MAP4K3: variants seen among roughly 807,000 people sequenced by gnomAD.
The protein encoded by MAP4K3 is MAPK/ERK kinase kinase kinase 3.
A neutral mutation model predicts 143.5 loss-of-function variants in MAP4K3; 94 were observed. The ratio of observed to expected loss-of-function variants is 0.65; its 90% CI spans 0.55 to 0.78. MAP4K3 has a LOEUF of 0.78. MAP4K3 is among the 30% of genes least tolerant of loss of function. The pLI is 0.00. For synonymous variants in MAP4K3, 416 were observed against 347.2 expected, an observed-to-expected ratio of 1.20 and a Z score of -2.20; for missense variants, 1,077 against 1,068.1, an observed-to-expected ratio of 1.01 and a Z score of -0.12.
Position 39,299,677 on chromosome 2 carries a change from A to G in MAP4K3, c.1178+66T>C, listed in dbSNP as rs192338405. The G allele has an allele frequency of 2.2e-5, 18 of 817,752 alleles. No homozygotes were observed. The African/African-American group carries it at 2.8e-4, about 13-fold the overall frequency. The allele number at this position is 817,752 out of a possible 1,614,324, so 50.7% of individuals were successfully genotyped here. Reference sequence around the variant, plus strand: ...ACAATTTTCTACCTTAAATATTAAAATATAATATTAAAGGCAACTTAATAA... The same window carrying G: ...ACAATTTTCTACCTTAAATATTAAAGTATAATATTAAAGGCAACTTAATAA... On this transcript the variant is annotated intron_variant, in intron 16 of 33. Coordinates refer to ENST00000263881, the MANE Select transcript of MAP4K3 (RefSeq NM_003618.4).
chr2:39,333,128 G>C (rs1306232967), intron 7 of MAP4K3, among the ~76,000 whole-genome samples: 1 of 152,076 alleles, frequency 6.6e-6, no homozygotes, highest in African/African-American at 2.4e-5. Flanking sequence ...ACATTCTTAA[G>C]TAAGTAATGC....
At chr2:39,401,128 A>T (rs915150875) in intron 1 of MAP4K3, among the ~76,000 whole-genome samples, 1 of 152,168 alleles carries the variant, frequency 6.6e-6, no homozygotes, top group Non-Finnish European at 1.5e-5. Flanking sequence ...CTAAGTTGAG[A>T]TGATGAAGCT....
chr2:39,295,100 T>A (rs554516306), intron 16 of MAP4K3, among the ~76,000 whole-genome samples: 1 of 151,378 alleles, frequency 6.6e-6, no homozygotes, highest in African/African-American at 2.4e-5. Context: ...TCATAAAAAA[T>A]AGCTATTTTT....
At chr2:39,366,022 T>C (rs1406978185) in intron 2 of MAP4K3, among the ~76,000 whole-genome samples, 2 of 152,180 alleles carry the variant, frequency 1.3e-5, no homozygotes, top group African/African-American at 2.4e-5. Flanking sequence ...ATAAATGAAA[T>C]TAACAGTACT....
chr2:39,344,175 T>G (rs946010457), intron 3 of MAP4K3, among the ~76,000 whole-genome samples: 2 of 152,178 alleles, frequency 1.3e-5, no homozygotes, highest in African/African-American at 4.8e-5. Flanking sequence ...GCCTTCTTAG[T>G]GTCTAGAAGA....
intron 2 of MAP4K3, among the ~76,000 whole-genome samples, chr2:39,373,220 A>C (rs1403996846): frequency 6.6e-6 from 1 of 152,204 alleles, no homozygotes; most frequent in Non-Finnish European, 1.5e-5. Context: ...AGAAATGCAA[A>C]TCAAAACTAT....
chr2:39,399,704 T>C (rs1666902932), intron 1 of MAP4K3, among the ~76,000 whole-genome samples: 1 of 152,164 alleles, frequency 6.6e-6, no homozygotes, highest in Non-Finnish European at 1.5e-5. Flanking sequence ...TTTTAGAGAA[T>C]CAGAATCTAA....
Position 39,307,926 on chromosome 2 carries a change from C to A in MAP4K3, c.1119+17G>T. Reference sequence around the variant, plus strand: ...CTAAAACAATGCTGACAAAGAAAATCAGAAGATGAGAAATACCAGATTAGA... The same window carrying A: ...CTAAAACAATGCTGACAAAGAAAATAAGAAGATGAGAAATACCAGATTAGA... On this transcript the variant is annotated intron_variant, in intron 15 of 33. Coordinates refer to ENST00000263881, the MANE Select transcript of MAP4K3 (RefSeq NM_003618.4). 1 of 1,512,510 alleles carries A rather than the reference C, an allele frequency of 6.6e-7. No individual in the cohort carries two copies. The highest frequency in any genetic ancestry group is 1.3e-5 in the South Asian group (1 of 74,862). The allele number at this position is 1,512,510 out of a possible 1,614,324, so 93.7% of individuals were successfully genotyped here.
At position 39,286,890 on chromosome 2, in the gene MAP4K3, C is replaced by T. The variant is rs1416438439; in HGVS notation, c.1549G>A (p.Gly517Ser). 2 of 1,609,708 alleles carry T rather than the reference C, an allele frequency of 1.2e-6. No homozygotes were observed. The highest frequency in any genetic ancestry group is 1.7e-6 in the Non-Finnish European group (2 of 1,178,856). The change falls in exon 21 of 34, where the codon GGC becomes AGC. Residue 517 changes from glycine (G) to serine (S), a missense_variant. By Grantham distance (56) the Gly-to-Ser change is moderately conservative (BLOSUM62 0). Coordinates refer to ENST00000263881, the MANE Select transcript of MAP4K3 (RefSeq NM_003618.4). ...SLCQQQNEHR[G>S]TNLSRKEKKD... ...TTTTCTTTTCTTGAAAGGTTTGTGC[C>T]TCTATGTTCATTCTGTTGTTGACAT...
chr2:39,354,239 C>T (rs1020847080), intron 3 of MAP4K3, among the ~76,000 whole-genome samples: 1 of 151,834 alleles, frequency 6.6e-6, no homozygotes, highest in African/African-American at 2.4e-5. Flanking sequence ...GTCAGGAGAT[C>T]GAGATCATCC....
At chr2:39,387,979 CTG>C (rs1319015760) in intron 1 of MAP4K3, among the ~76,000 whole-genome samples, 13 of 152,272 alleles carry the variant, frequency 8.5e-5, no homozygotes, top group Admixed American at 8.5e-4. Flanking sequence ...GGAAAATAAT[CTG>C]TGAGTGATAA....
intron 1 of MAP4K3, among the ~76,000 whole-genome samples, chr2:39,423,240 T>C (rs960112022): frequency 1.3e-5 from 2 of 152,178 alleles, no homozygotes; most frequent in African/African-American, 4.8e-5. Flanking sequence ...CCTATTAGAA[T>C]AGCCAAAATT....
intron 8 of MAP4K3, among the ~76,000 whole-genome samples, chr2:39,331,233 A>G (rs2193422): frequency 0.89 from 135,090 of 152,106 alleles, 60,205 homozygotes; most frequent in Non-Finnish European, 0.92. Context: ...CAAAGTAATG[A>G]TATGAACAAA....
intron 1 of MAP4K3, among the ~76,000 whole-genome samples, chr2:39,399,110 A>T (rs1394569959): frequency 6.6e-6 from 1 of 152,042 alleles, no homozygotes; most frequent in Non-Finnish European, 1.5e-5. Flanking sequence ...ACACTTATCA[A>T]CCTGCTCACA....
intron 12 of MAP4K3, among the ~76,000 whole-genome samples, chr2:39,320,930 A>G (rs1573146006): frequency 6.6e-6 from 1 of 152,228 alleles, no homozygotes; most frequent in African/African-American, 2.4e-5. Context: ...ATCAAGAACA[A>G]GACTCAAACT....
chr2:39,369,332 A>G (rs1011489723), intron 2 of MAP4K3, among the ~76,000 whole-genome samples: 1 of 151,364 alleles, frequency 6.6e-6, no homozygotes, highest in African/African-American at 2.4e-5. Flanking sequence ...AGTAGCTGGG[A>G]ATACAGGTGC....
Position 39,280,294 on chromosome 2 carries a change from T to G in MAP4K3, c.1692A>C (p.Ser564=). 6.3e-7 allele frequency: 1 copy of G among 1,593,272 alleles called. No homozygotes were observed. Among genetic ancestry groups the G allele is most frequent in the Non-Finnish European group, 8.6e-7 (1 of 1,167,454 alleles). The change falls in exon 23 of 34, where the codon TCA becomes TCC. Residue 564 remains serine, a synonymous_variant. Transcript: ENST00000263881. ...TACCTCTTGTATCTGGGTTTATCCA[T>G]GATGATGCACAGTGAATTTTCAAGG... is the stretch of plus-strand genomic sequence containing the variant. The part of the protein sequence containing the change: ...GCPLKIHCAS[S]WINPDTRDQY...
intron 1 of MAP4K3, among the ~76,000 whole-genome samples, chr2:39,423,410 T>G (rs374347252): frequency 6.6e-6 from 1 of 152,328 alleles, no homozygotes; most frequent in Non-Finnish European, 1.5e-5. Flanking sequence ...GCAATCACAC[T>G]CTTTGGTATT....
intron 16 of MAP4K3, among the ~76,000 whole-genome samples, chr2:39,295,541 T>A (rs1375854740): frequency 6.6e-6 from 1 of 152,110 alleles, no homozygotes; most frequent in African/African-American, 2.4e-5. Context: ...GTATCTGAAC[T>A]GTACAGTTGG....
Sources: allele counts gnomAD v4.1 joint callset (sites outside exome capture counted in the v4.1 genomes callset), GRCh38; gene constraint gnomAD v4.1.1; transcripts MANE v1.5; gene names NCBI Gene and HGNC (gene_info 2026-07-23, HGNC 2026-07-21).